SEMA3D: variants seen among roughly 807,000 people sequenced by gnomAD.
SEMA3D encodes the protein semaphorin-3D.
SEMA3D carries 84 observed loss-of-function variants against 100.1 expected under a neutral mutation model. The observed-to-expected ratio is 0.84, with a 90% CI of 0.70 to 1.01. SEMA3D has a LOEUF of 1.01. SEMA3D is among the 50% of genes least tolerant of loss of function. The pLI is 0.00. For missense variants in SEMA3D, 875 were observed against 934.1 expected (o/e 0.94, Z 0.82); for synonymous variants, 312 against 320.7 (o/e 0.97, Z 0.29).
chr7:85,121,691 A>G (rs1046649757), intron 3 of SEMA3D, 50 bp downstream of exon 3: 1 of 1,049,898 alleles, frequency 9.5e-7, no homozygotes, highest in Non-Finnish European at 1.4e-6. Flanking sequence ...CAATCAAAAA[A>G]GACATTTCAA....
intron 9 of SEMA3D, among the ~76,000 whole-genome samples, chr7:85,052,655 A>T (rs1475599115): frequency 6.6e-6 from 1 of 151,942 alleles, no homozygotes; most frequent in African/African-American, 2.4e-5. Context: ...TTCTTAGCTC[A>T]TAACTCTATC....
At chr7:85,014,575 T>C (rs951404076) in intron 16 of SEMA3D, among the ~76,000 whole-genome samples, 5 of 151,740 alleles carry the variant, frequency 3.3e-5, no homozygotes, top group Non-Finnish European at 7.4e-5. Flanking sequence ...TGGCAGAAAT[T>C]GACCAAGTTA....
chr7:85,120,393 C>T (rs1021040980), intron 3 of SEMA3D, among the ~76,000 whole-genome samples: 3 of 152,012 alleles, frequency 2.0e-5, no homozygotes, highest in East Asian at 3.9e-4. Flanking sequence ...TGTGGCCAGG[C>T]GAGTTGGCTC....
At chr7:85,099,536 G>T (rs1376478501) in intron 3 of SEMA3D, among the ~76,000 whole-genome samples, 1 of 151,908 alleles carries the variant, frequency 6.6e-6, no homozygotes, top group Admixed American at 6.6e-5. Flanking sequence ...TTTCAACTTT[G>T]TTGAGTAAAT....
At chr7:85,150,293 A>G (rs13242385) in intron 2 of SEMA3D, among the ~76,000 whole-genome samples, 1 of 148,402 alleles carries the variant, frequency 6.7e-6, no homozygotes, top group African/African-American at 2.5e-5. Context: ...CTGTTACGGT[A>G]CTAAGAACTG....
At chr7:85,204,415 GA>G in the SEMA3D span, among the ~76,000 whole-genome samples, 1 of 150,690 alleles carries the variant, frequency 6.6e-6, no homozygotes, top group African/African-American at 2.4e-5. Flanking sequence ...TATTGATTTA[GA>G]TAGACTTAAA....
chr7:85,005,863 C>T (rs1562779636), intron 18 of SEMA3D, among the ~76,000 whole-genome samples: 1 of 152,014 alleles, frequency 6.6e-6, no homozygotes, highest in Non-Finnish European at 1.5e-5. Context: ...TTGAGATCCA[C>T]TGTTATGTAC....
At chr7:85,240,289 G>A in the SEMA3D span, among the ~76,000 whole-genome samples, 1 of 152,074 alleles carries the variant, frequency 6.6e-6, no homozygotes, top group Non-Finnish European at 1.5e-5. Context: ...TTGTTGATAT[G>A]ATGGATTACA....
intron 12 of SEMA3D, chr7:85,027,783 T>C (rs967080151): frequency 3.6e-5 from 15 of 421,028 alleles, no homozygotes; most frequent in Non-Finnish European, 6.4e-5. Context: ...TTTGGGGTTC[T>C]GTGTCTCACT....
intron 4 of SEMA3D, among the ~76,000 whole-genome samples, chr7:85,092,927 T>C (rs1237563667): frequency 6.6e-6 from 1 of 152,082 alleles, no homozygotes; most frequent in Non-Finnish European, 1.5e-5. Flanking sequence ...GATTTTTCAA[T>C]TTTTACTACA....
At chr7:85,213,966 G>A in the SEMA3D span, among the ~76,000 whole-genome samples, 1 of 151,646 alleles carries the variant, frequency 6.6e-6, no homozygotes, top group South Asian at 2.1e-4. Context: ...TTGAAAACAT[G>A]TGCATCTATG....
intron 2 of SEMA3D, among the ~76,000 whole-genome samples, chr7:85,129,170 C>T (rs565306129): frequency 5.9e-5 from 9 of 151,964 alleles, no homozygotes; most frequent in Non-Finnish European, 1.2e-4. Context: ...GGATTACAGG[C>T]GTGAGCCACT....
rs1306532860 is a variant in SEMA3D, at chr7:85,036,881, A to G, written c.1191+8T>C. The G allele has an allele frequency of 1.2e-6, 2 of 1,603,268 alleles. No individual in the cohort carries two copies. Among genetic ancestry groups the G allele is most frequent in the Non-Finnish European group, 1.7e-6 (2 of 1,174,332 alleles). Reference sequence around the variant, plus strand: ...GAAAATAATTTGATTATTAAGTTGGATACATACTGTACCAGGCCGTGGATA... The same window carrying G: ...GAAAATAATTTGATTATTAAGTTGGGTACATACTGTACCAGGCCGTGGATA... On this transcript the variant is annotated splice_region_variant and intron_variant, in intron 12 of 18. Transcript: ENST00000284136.
intron 1 of SEMA3D, among the ~76,000 whole-genome samples, chr7:85,162,502 A>G (rs1031112464): frequency 1.3e-5 from 2 of 152,172 alleles, no homozygotes; most frequent in African/African-American, 4.8e-5. Context: ...TTTTCATTGA[A>G]TGACCTTTGT....
chr7:85,075,785 A>C (rs757265475), intron 5 of SEMA3D, among the ~76,000 whole-genome samples: 74 of 152,208 alleles, frequency 4.9e-4, no homozygotes, highest in Non-Finnish European at 8.7e-4. Flanking sequence ...AGATCGTAAA[A>C]GATAAGGTCT....
chr7:85,201,683 T>G, the SEMA3D span, among the ~76,000 whole-genome samples: 1 of 152,134 alleles, frequency 6.6e-6, no homozygotes, highest in Non-Finnish European at 1.5e-5. Context: ...AACCCAGAAC[T>G]GAGTAGGATT....
chr7:85,073,080 G>A lies in SEMA3D; in HGVS notation c.377C>T (p.Thr126Ile). 6.2e-7 allele frequency: 1 copy of A among 1,611,688 alleles called. No homozygotes were observed. Among genetic ancestry groups the A allele is most frequent in the Non-Finnish European group, 8.5e-7 (1 of 1,179,264 alleles). Residue 126 changes from threonine to isoleucine, a missense_variant and splice_region_variant, in exon 6 of 19, where the codon ACA becomes ATA. Transcript: ENST00000284136. ...LCKLAGKDAN[T>I]ECANFIRVLQ... ...TACTCTGATGAAATTTGCACATTCTGTCTGTTGGGCACAAAAATTAAAAGC... is the reference window on the plus strand; with the variant it reads ...TACTCTGATGAAATTTGCACATTCTATCTGTTGGGCACAAAAATTAAAAGC...
intron 1 of SEMA3D, among the ~76,000 whole-genome samples, chr7:85,179,025 G>T (rs1791321723): frequency 6.6e-6 from 1 of 152,226 alleles, no homozygotes; most frequent in African/African-American, 2.4e-5. Context: ...AGTCAAGAAT[G>T]AGATTTGGGA....
intron 4 of SEMA3D, among the ~76,000 whole-genome samples, chr7:85,084,333 G>C (rs1788157285): frequency 1.3e-5 from 2 of 152,086 alleles, no homozygotes; most frequent in Non-Finnish European, 2.9e-5. Context: ...GTAGAATTCA[G>C]TAATGTTAAG....
Sources: allele counts gnomAD v4.1 joint callset (sites outside exome capture counted in the v4.1 genomes callset), GRCh38; gene constraint gnomAD v4.1.1; transcripts MANE v1.5; gene names NCBI Gene and HGNC (gene_info 2026-07-23, HGNC 2026-07-21).